Variants in SPIN1 observed in about 807,000 individuals in gnomAD.
SPIN1 encodes the protein spindlin 1.
SPIN1 carries 3 observed loss-of-function variants against 26.0 expected under a neutral mutation model. The observed-to-expected ratio is 0.12, with a 90% CI of 0.05 to 0.30. The LOEUF is 0.30. SPIN1 is among the 10% of genes least tolerant of loss of function. SPIN1 has a pLI of 1.00. For missense variants in SPIN1, 126 were observed against 333.4 expected (o/e 0.38, Z 4.84); for synonymous variants, 101 against 116.5 (o/e 0.87, Z 0.86).
At chr9:88,471,475 C>T (rs961715383) in intron 5 of SPIN1, among the ~76,000 whole-genome samples, 6 of 151,730 alleles carry the variant, frequency 4.0e-5, no homozygotes, top group Non-Finnish European at 2.9e-5. Context: ...CCAGCCTGGG[C>T]AGCACGGGGA....
At chr9:88,458,090 G>T in intron 3 of SPIN1, 3 of 685,180 alleles carry the variant, frequency 4.4e-6, no homozygotes, top group Non-Finnish European at 5.4e-6. Context: ...GAAAGTTTAG[G>T]TATAATATAT....
intron 1 of SPIN1, among the ~76,000 whole-genome samples, chr9:88,396,973 G>A (rs1827076506): frequency 1.3e-5 from 2 of 152,088 alleles, no homozygotes; most frequent in African/African-American, 4.8e-5. Flanking sequence ...GAAATGGCAT[G>A]CCTGTGTAGG....
At chr9:88,394,902 C>G (rs1406734049) in intron 1 of SPIN1, among the ~76,000 whole-genome samples, 1 of 151,236 alleles carries the variant, frequency 6.6e-6, no homozygotes, top group Non-Finnish European at 1.5e-5. Flanking sequence ...CTCCGCCTCC[C>G]GGGTTCACGC....
At chr9:88,447,038 G>A (rs936723646) in intron 2 of SPIN1, among the ~76,000 whole-genome samples, 2 of 151,970 alleles carry the variant, frequency 1.3e-5, no homozygotes, top group East Asian at 1.9e-4. Flanking sequence ...CTTTGATTCC[G>A]CTTTCCTATG....
At chr9:88,389,719 T>C (rs1021927871) in intron 1 of SPIN1, among the ~76,000 whole-genome samples, 3 of 152,224 alleles carry the variant, frequency 2.0e-5, no homozygotes, top group Non-Finnish European at 4.4e-5. Context: ...TAACTTTTTT[T>C]CTATTGGAAT....
chr9:88,439,901 G>A (rs1473221757), intron 2 of SPIN1, among the ~76,000 whole-genome samples: 1 of 152,134 alleles, frequency 6.6e-6, no homozygotes, highest in Non-Finnish European at 1.5e-5. Context: ...TATCTAGCAT[G>A]AAGTTGCATG....
intron 2 of SPIN1, among the ~76,000 whole-genome samples, chr9:88,426,868 G>GT (rs1172668541): frequency 1.3e-5 from 2 of 151,816 alleles, no homozygotes; most frequent in African/African-American, 4.9e-5. Context: ...AGTAAAAGGA[G>GT]TTTTTTCCGG....
chr9:88,458,306 G>A (rs7028805), intron 3 of SPIN1, among the ~76,000 whole-genome samples: 49,965 of 152,076 alleles, frequency 0.33, 15,679 homozygotes, highest in African/African-American at 0.83. Flanking sequence ...CCACAGCAAA[G>A]GCTAACTCTT....
intron 1 of SPIN1, among the ~76,000 whole-genome samples, chr9:88,414,095 G>C (rs1290929167): frequency 6.6e-6 from 1 of 152,094 alleles, no homozygotes; most frequent in East Asian, 1.9e-4. Context: ...TGTCTGGGAA[G>C]GTCTCAGATA....
intron 3 of SPIN1, among the ~76,000 whole-genome samples, chr9:88,452,506 C>CT (rs1346635489): frequency 6.6e-6 from 1 of 152,176 alleles, no homozygotes; most frequent in Non-Finnish European, 1.5e-5. Flanking sequence ...ACATTGAATG[C>CT]TTTTTAATCA....
chr9:88,466,058 A>G (rs1469770857), intron 4 of SPIN1, among the ~76,000 whole-genome samples: 1 of 152,228 alleles, frequency 6.6e-6, no homozygotes, highest in East Asian at 1.9e-4. Context: ...TTTTAAATAA[A>G]TGTTTCTAGA....
chr9:88,401,796 T>G (rs1827192492), intron 1 of SPIN1, among the ~76,000 whole-genome samples: 4 of 152,184 alleles, frequency 2.6e-5, no homozygotes, highest in Admixed American at 2.6e-4. Context: ...AACTGTATGT[T>G]CTTGCTTATG....
Position 88,475,386 on chromosome 9 carries a change from C to A in SPIN1, c.*109C>A. On this transcript the variant is annotated 3_prime_UTR_variant, in exon 6 of 6. Coordinates refer to ENST00000375859, the MANE Select transcript of SPIN1 (RefSeq NM_006717.3). Reference sequence around the variant, plus strand: ...ATGAAAGCTTAAATGTCCCTGCGAACCCACAATCTCTGCCAGCAGAACTGG... The same window carrying A: ...ATGAAAGCTTAAATGTCCCTGCGAAACCACAATCTCTGCCAGCAGAACTGG... The A allele has an allele frequency of 9.1e-7, 1 of 1,104,388 alleles. No homozygotes were observed. The highest frequency in any genetic ancestry group is 1.3e-6 in the Non-Finnish European group (1 of 768,564). The allele number at this position is 1,104,388 out of a possible 1,614,324, so 68.4% of individuals were successfully genotyped here.
intron 1 of SPIN1, among the ~76,000 whole-genome samples, chr9:88,398,623 T>G (rs111716103): frequency 0.077 from 11,675 of 152,210 alleles, 1,424 homozygotes; most frequent in African/African-American, 0.26. Flanking sequence ...TTGCCCAGGC[T>G]GGAGTGCAAT....
chr9:88,412,060 T>G (rs1472951748), intron 1 of SPIN1, among the ~76,000 whole-genome samples: 2 of 150,864 alleles, frequency 1.3e-5, no homozygotes, highest in East Asian at 3.9e-4. Flanking sequence ...GCGCCTGTAG[T>G]CCCAGCTACT....
At chr9:88,425,165 A>T (rs1018087598) in intron 1 of SPIN1, among the ~76,000 whole-genome samples, 4 of 152,006 alleles carry the variant, frequency 2.6e-5, no homozygotes, top group African/African-American at 9.7e-5. Context: ...CTGGGGGAAG[A>T]GAGTAATAGG....
chr9:88,422,267 A>C (rs1313375024), intron 1 of SPIN1, among the ~76,000 whole-genome samples: 1 of 152,202 alleles, frequency 6.6e-6, no homozygotes, highest in Non-Finnish European at 1.5e-5. Context: ...TAACACTTGA[A>C]GGTTCTGCTA....
In SPIN1 at chr9:88,462,673, A is replaced by T. The variant is rs1335906785; in HGVS notation, c.279A>T (p.Gly93=). 6.2e-7 allele frequency: 1 copy of T among 1,613,994 alleles called. No individual in the cohort carries two copies. The highest frequency in any genetic ancestry group is 1.3e-5 in the African/African-American group (1 of 74,888). ...CTTTGTATCTTATAAAATACGATGG[A>T]TTTGACTGTGTTTATGGACTAGAAC... ...NPSLYLIKYD[G]FDCVYGLELN... Residue 93 remains glycine (G), a synonymous_variant, in exon 4 of 6, where the codon GGA becomes GGT. Transcript: ENST00000375859.
chr9:88,433,225 G>A (rs548603645), intron 2 of SPIN1, among the ~76,000 whole-genome samples: 5 of 152,118 alleles, frequency 3.3e-5, no homozygotes, highest in African/African-American at 9.6e-5. Context: ...GACTACAGGC[G>A]TGAGTGCCAC....
Sources: gnomAD v4.1 joint callset for allele counts (sites outside exome capture counted in the v4.1 genomes callset) on GRCh38, gnomAD v4.1.1 for gene constraint, MANE v1.5 for transcripts, NCBI Gene and HGNC (gene_info 2026-07-23, HGNC 2026-07-21) for gene names.